Variants in TBC1D32 observed in about 807,000 individuals in gnomAD.
TBC1D32 encodes TBC1 domain family member 32.
A neutral mutation model predicts 170.3 loss-of-function variants in TBC1D32; 151 were observed. The observed-to-expected ratio is 0.89, with a 90% CI of 0.78 to 1.01. The LOEUF is 1.01. Among genes scored for constraint, TBC1D32 ranks in the 50% least tolerant of loss-of-function variants. The pLI, the probability that TBC1D32 is intolerant of heterozygous loss-of-function variation, is 0.00. For missense variants in TBC1D32, 1,464 were observed against 1,457.1 expected, an observed-to-expected ratio of 1.00 and a Z score of -0.08; for synonymous variants, 498 against 488.0, an observed-to-expected ratio of 1.02 and a Z score of -0.27.
chr6:121,232,412 G>T (rs555452509), intron 20 of TBC1D32, among the ~76,000 whole-genome samples: 1 of 152,016 alleles, frequency 6.6e-6, no homozygotes, highest in South Asian at 2.1e-4. Context: ...CGGGCTCTTT[G>T]TTGGCTCCAT....
In TBC1D32 at chr6:121,231,962, C is replaced by T. The variant is rs1035744669; in HGVS notation, c.2364+7108G>A. Among the ~76,000 whole-genome samples, 3 of 152,002 alleles carry T rather than the reference C, an allele frequency of 2.0e-5. No homozygotes were observed. The East Asian group carries it at 5.8e-4, about 29-fold the overall frequency. ...TTTATCTTTGTTTTTCTTGCATTTG[C>T]TTTTGAATTCCTAGTCATAAAGTCT... On this transcript the variant is annotated intron_variant, in intron 20 of 31. Coordinates refer to ENST00000398212, the MANE Select transcript of TBC1D32 (RefSeq NM_152730.6).
chr6:121,226,278 A>C (rs1478397367), intron 20 of TBC1D32, among the ~76,000 whole-genome samples: 1 of 152,106 alleles, frequency 6.6e-6, no homozygotes, highest in Non-Finnish European at 1.5e-5. Context: ...AATAGCGCCT[A>C]AATGTTCTGA....
chr6:121,251,336 G>T (rs1011965262), intron 17 of TBC1D32, among the ~76,000 whole-genome samples: 3 of 151,416 alleles, frequency 2.0e-5, no homozygotes, highest in Non-Finnish European at 4.4e-5. Context: ...TATACTACAA[G>T]GCTATGATAA....
At chr6:121,196,026 G>T (rs540839551) in intron 22 of TBC1D32, among the ~76,000 whole-genome samples, 1 of 152,324 alleles carries the variant, frequency 6.6e-6, no homozygotes, top group South Asian at 2.1e-4. Context: ...ATTTGGGGAA[G>T]AAGTATGTGG....
intron 31 of TBC1D32, among the ~76,000 whole-genome samples, chr6:121,085,322 T>TATATATATACATAC (rs1347713163): frequency 2.0e-5 from 2 of 100,760 alleles, no homozygotes; most frequent in Admixed American, 1.3e-4. Context: ...TATATACACA[T>TATATATATACATAC]ATATATATAC....
At chr6:121,142,237 C>T (rs1199957818) in intron 24 of TBC1D32, among the ~76,000 whole-genome samples, 3 of 152,236 alleles carry the variant, frequency 2.0e-5, no homozygotes, top group Non-Finnish European at 2.9e-5. Context: ...GTCTGCAGGG[C>T]AGACTTGGCA....
intron 21 of TBC1D32, among the ~76,000 whole-genome samples, chr6:121,206,872 C>T (rs1219670392): frequency 6.6e-6 from 1 of 152,146 alleles, no homozygotes; most frequent in African/African-American, 2.4e-5. Flanking sequence ...CCCAGCTGCA[C>T]AGTCACTCTC....
chr6:121,113,101 A>G lies in TBC1D32; in HGVS notation c.3130T>C (p.Phe1044Leu). Residue 1044 changes from phenylalanine (F) to leucine (L), a missense_variant, in exon 28 of 32, where the codon TTC (phenylalanine) becomes CTC (leucine). Around this residue, in one of 3 missense-constraint regions of TBC1D32, gnomAD observed 1,363 missense variants for 1,338.1 expected, o/e 1.02. Transcript: ENST00000398212. ...LTWVLKHCER[F>L]LKQQQTSIKS... ...ATGGAAGTTTGCTGCTGTTTCAGGA[A>G]TCTCTCACAATGCTTTAAAACCCAG... The G allele has an allele frequency of 6.2e-7, 1 of 1,611,374 alleles. No individual in the cohort carries two copies. Among genetic ancestry groups the G allele is most frequent in the South Asian group, 1.1e-5 (1 of 90,590 alleles).
At chr6:121,333,608 G>A (rs910243479) in intron 1 of TBC1D32, among the ~76,000 whole-genome samples, 4 of 152,188 alleles carry the variant, frequency 2.6e-5, no homozygotes, top group African/African-American at 9.7e-5. Flanking sequence ...AACAAAGATC[G>A]TTGGAACTCA....
chr6:121,099,168 G>C (rs1777738139), intron 30 of TBC1D32, among the ~76,000 whole-genome samples: 2 of 151,904 alleles, frequency 1.3e-5, no homozygotes, highest in South Asian at 2.1e-4. Context: ...TGTTGACATA[G>C]TACAATATAA....
At chr6:121,105,077 C>CA (rs1279697437) in intron 30 of TBC1D32, among the ~76,000 whole-genome samples, 7 of 151,744 alleles carry the variant, frequency 4.6e-5, no homozygotes, top group Admixed American at 1.3e-4. Context: ...ACAGTTGTTG[C>CA]TACTTTAAAA....
chr6:121,284,881 T>C (rs531179122), intron 12 of TBC1D32, among the ~76,000 whole-genome samples: 8 of 152,286 alleles, frequency 5.3e-5, no homozygotes, highest in Admixed American at 1.3e-4. Context: ...ATAGCTTTTT[T>C]ATTAAAAGTC....
At chr6:121,153,402 G>T (rs1784454610) in intron 24 of TBC1D32, among the ~76,000 whole-genome samples, 1 of 152,134 alleles carries the variant, frequency 6.6e-6, no homozygotes. Context: ...GATGCCAGCT[G>T]AAGCTCTCCT....
rs117284101 is a variant in TBC1D32 at position 121,157,341 on chromosome 6, T to C, written c.2773+2669A>G. ...ACAAGAACTGCAACACCTGCTCTTT[T>C]ATGTTTTCCATTTGTGTGGTTGTTT... On this transcript the variant is annotated intron_variant, in intron 24 of 31. Coordinates refer to ENST00000398212, the MANE Select transcript of TBC1D32 (RefSeq NM_152730.6). 5.5e-3 allele frequency among the ~76,000 whole-genome samples: 843 copies of C among 152,314 alleles called. 4 individuals are homozygous for C. The highest frequency in any genetic ancestry group is 9.4e-3 in the Non-Finnish European group (641 of 68,014).
intron 20 of TBC1D32, among the ~76,000 whole-genome samples, chr6:121,236,018 A>G (rs1424836868): frequency 6.6e-6 from 1 of 152,036 alleles, no homozygotes; most frequent in Admixed American, 6.6e-5. Context: ...ATTGATATGG[A>G]TGCATTTAGA....
At chr6:121,118,852 T>C (rs1447424669) in intron 26 of TBC1D32, among the ~76,000 whole-genome samples, 2 of 152,206 alleles carry the variant, frequency 1.3e-5, no homozygotes, top group Non-Finnish European at 2.9e-5. Flanking sequence ...CAGTTCTTAC[T>C]ACCACAGAAT....
chr6:121,286,018 T>C (rs1217888505), intron 12 of TBC1D32, among the ~76,000 whole-genome samples: 1 of 151,974 alleles, frequency 6.6e-6, no homozygotes, highest in East Asian at 1.9e-4. Context: ...CAAAGGTAGA[T>C]AAAACCACAA....
At chr6:121,188,006 T>C (rs991291186) in intron 22 of TBC1D32, among the ~76,000 whole-genome samples, 1 of 152,140 alleles carries the variant, frequency 6.6e-6, no homozygotes, top group Non-Finnish European at 1.5e-5. Context: ...AGGCATTACA[T>C]TCTTTGGAAC....
intron 17 of TBC1D32, among the ~76,000 whole-genome samples, chr6:121,248,179 T>C (rs957174622): frequency 1.3e-5 from 2 of 151,920 alleles, no homozygotes; most frequent in African/African-American, 4.8e-5. Flanking sequence ...CTCAAAACTA[T>C]ACAAATACAT....
Sources: gnomAD v4.1 joint callset for allele counts (sites outside exome capture counted in the v4.1 genomes callset) on GRCh38, gnomAD v4.1.1 for gene constraint, gnomAD v4.1.1 regional missense constraint, MANE v1.5 for transcripts, NCBI Gene and HGNC (gene_info 2026-07-23, HGNC 2026-07-21) for gene names.